The following ABCA6 variants were observed in gnomAD, a reference collection of about 807,000 sequenced individuals.
ABCA6 encodes ATP-binding cassette sub-family A member 6.
A neutral mutation model predicts 191.2 loss-of-function variants in ABCA6; 164 were observed. The ratio of observed to expected loss-of-function variants is 0.86; its 90% CI spans 0.76 to 0.98. The LOEUF is 0.98. Ranked by LOEUF, ABCA6 falls within the 50% of genes least tolerant of loss-of-function variation. The pLI is 0.00. For synonymous variants in ABCA6, 636 were observed against 647.7 expected (o/e 0.98, Z 0.27); for missense variants, 1,958 against 1,894.1 (o/e 1.03, Z -0.63).
rs745713208 is a variant in ABCA6, at chr17:69,105,552, C to T, written c.2650G>A (p.Asp884Asn). Residue 884 changes from aspartate (D) to asparagine (N), a missense_variant, in exon 20 of 39, where the codon GAT (aspartate) becomes AAT (asparagine). Transcript: ENST00000284425. ...IMYAMLNEKI[D>N]WEFKNELYFL... is the part of the protein sequence containing the mutation. ...TACAATTCGTTTTTAAATTCCCAAT[C>T]GATCTTTTCATTTAACATAGCATAC... The T allele has an allele frequency of 4.4e-6, 7 of 1,595,400 alleles. No homozygotes were observed. The South Asian group carries it at 4.4e-5, about 10-fold the overall frequency.
rs1362624575 is a variant in ABCA6 at position 69,089,526 on chromosome 17, T to C, written c.3545A>G (p.Tyr1182Cys). 1.9e-6 allele frequency: 3 copies of C among 1,613,328 alleles called. No homozygotes were observed. Among genetic ancestry groups the C allele is most frequent in the African/African-American group, 2.7e-5 (2 of 74,912 alleles). Residue 1182 changes from tyrosine to cysteine, a missense_variant, in exon 27 of 39, where the codon TAC (tyrosine) becomes TGC (cysteine). Transcript: ENST00000284425. ...TFLEVRDQEH[Y>C]REFPEANFEL... Reference sequence around the variant, plus strand: ...AAAATTTGCCTCTGGAAATTCTCTGTAGTGCTCCTGGTCTCTCTGAAAAGA... The same window carrying C: ...AAAATTTGCCTCTGGAAATTCTCTGCAGTGCTCCTGGTCTCTCTGAAAAGA...
intron 2 of ABCA6, among the ~76,000 whole-genome samples, chr17:69,138,024 G>A (rs373726441): frequency 2.0e-5 from 3 of 152,310 alleles, no homozygotes; most frequent in East Asian, 1.9e-4. Flanking sequence ...AAGTGGAACC[G>A]AATGATTTCC....
intron 10 of ABCA6, among the ~76,000 whole-genome samples, chr17:69,119,633 C>T (rs1433991274): frequency 1.3e-5 from 2 of 152,044 alleles, no homozygotes; most frequent in African/African-American, 2.4e-5. Context: ...TTGGCATCCT[C>T]GGCCTCATGT....
At chr17:69,115,346 C>A (rs1304452620) in intron 12 of ABCA6, 30 bp downstream of exon 12, 2 of 1,536,588 alleles carry the variant, frequency 1.3e-6, no homozygotes, top group East Asian at 2.3e-5. Flanking sequence ...TATAAGACAT[C>A]TTGCCTTTGA....
chr17:69,132,718 G>A (rs1245185216), intron 6 of ABCA6, among the ~76,000 whole-genome samples: 1 of 152,188 alleles, frequency 6.6e-6, no homozygotes, highest in Non-Finnish European at 1.5e-5. Flanking sequence ...GACCTCAGGT[G>A]ATCCACCCGC....
chr17:69,106,017 C>G lies in ABCA6; in HGVS notation c.2573+11G>C, dbSNP rs1336062217. The G allele has an allele frequency of 3.7e-6, 6 of 1,600,568 alleles. No homozygotes were observed. The highest frequency in any genetic ancestry group is 3.5e-5 in the Admixed American group (2 of 57,694). ...CATGATCTAACAAAACCACAGTACT[C>G]TCCTACTCACAGGGTCAATAACACT... On this transcript the variant is annotated intron_variant, in intron 19 of 38. Transcript: ENST00000284425.
intron 22 of ABCA6, 185 bp from the exon 23 acceptor site, chr17:69,098,212 C>G: frequency 2.2e-6 from 1 of 451,534 alleles, no homozygotes; most frequent in Non-Finnish European, 3.8e-6. Context: ...AAAGAGAAGT[C>G]AAAAGTCATT....
At position 69,081,135 on chromosome 17, in the gene ABCA6, A is replaced by G. The variant is rs772297831; in HGVS notation, c.4627T>C (p.Leu1543=). ...GCCACGGGCAGCTTATAGGTTAACA[A>G]AGAGGAATACCTGAAAACAGGAAGA... ...QAAGQERYSS[L]LTYKLPVADV... The change falls in exon 37 of 39, where the codon TTG becomes CTG. Residue 1543 remains leucine, a synonymous_variant. Transcript: ENST00000284425. 6.3e-6 allele frequency: 10 copies of G among 1,591,376 alleles called. No homozygotes were observed. The East Asian group carries it at 2.0e-4, about 32-fold the overall frequency.
chr17:69,102,862 T>G lies in ABCA6; in HGVS notation c.2847A>C (p.Gly949=). The part of the protein sequence containing the change: ...RNGTDGLSYN[G]AIIVSGKQKD... ...TTTGTTTACCAGAAACTATGATAGC[T>G]CCATTGTATGAGAGGCCATCAGTAC... The change falls in exon 21 of 39, where the codon GGA becomes GGC. Residue 949 remains glycine, a synonymous_variant. Transcript: ENST00000284425. The G allele has an allele frequency of 1.3e-6, 2 of 1,589,952 alleles. No individual in the cohort carries two copies. The highest frequency in any genetic ancestry group is 1.7e-6 in the Non-Finnish European group (2 of 1,173,196).
At chr17:69,083,707 T>A (rs1463029223) in intron 34 of ABCA6, among the ~76,000 whole-genome samples, 2 of 152,224 alleles carry the variant, frequency 1.3e-5, no homozygotes, top group African/African-American at 4.8e-5. Flanking sequence ...AGCGATTCTC[T>A]ACATTTGTAT....
chr17:69,134,780 A>T (rs781574178), intron 4 of ABCA6, 38 bp from the exon 5 acceptor site: 1 of 1,387,366 alleles, frequency 7.2e-7, no homozygotes, highest in African/African-American at 1.4e-5. Context: ...ACATTATGGG[A>T]CGAGGGCAGT....
Position 69,117,892 on chromosome 17 carries a change from C to T in ABCA6, c.1495+6G>A, listed in dbSNP as rs1434113053. ...AAGAATGAAATTTTTCAATGTTTTTCTTTACCTTTCAATGCTTCCACTTTT... is the reference window on the plus strand; with the variant it reads ...AAGAATGAAATTTTTCAATGTTTTTTTTTACCTTTCAATGCTTCCACTTTT... On this transcript the variant is annotated splice_donor_region_variant and intron_variant, in intron 11 of 38. Coordinates refer to ENST00000284425, the MANE Select transcript of ABCA6 (RefSeq NM_080284.3). The T allele has an allele frequency of 3.2e-6, 5 of 1,546,674 alleles. No individual in the cohort carries two copies. The highest frequency in any genetic ancestry group is 4.4e-6 in the Non-Finnish European group (5 of 1,129,950).
intron 2 of ABCA6, among the ~76,000 whole-genome samples, chr17:69,138,403 C>T (rs568457649): frequency 9.4e-4 from 143 of 152,246 alleles, no homozygotes; most frequent in African/African-American, 3.3e-3. Context: ...AAGTTGGATT[C>T]CTAAGTATTT....
At position 69,123,310 on chromosome 17, in the gene ABCA6, G is replaced by T. The variant is rs372434384; in HGVS notation, c.1365C>A (p.Ile455=). The T allele has an allele frequency of 6.4e-7, 1 of 1,573,820 alleles. No homozygotes were observed. Among genetic ancestry groups the T allele is most frequent in the Non-Finnish European group, 8.7e-7 (1 of 1,155,108 alleles). Reference sequence around the variant, plus strand: ...AATCATCAGAGGGATGCTCAGCATCGATTTCTTTCTCAATAACCTTAGCAT... The same window carrying T: ...AATCATCAGAGGGATGCTCAGCATCTATTTCTTTCTCAATAACCTTAGCAT... The part of the protein sequence containing the change: ...RTNAKVIEKE[I]DAEHPSDDYF... Residue 455 remains isoleucine, a synonymous_variant, in exon 10 of 39, where the codon ATC becomes ATA. Coordinates refer to ENST00000284425, the MANE Select transcript of ABCA6 (RefSeq NM_080284.3).
At chr17:69,096,530 A>C in intron 24 of ABCA6, 98 bp downstream of exon 24, 1 of 1,047,806 alleles carries the variant, frequency 9.5e-7, no homozygotes, top group Non-Finnish European at 1.3e-6. Context: ...GGTTTATTAC[A>C]AAATATGAAT....
intron 36 of ABCA6, among the ~76,000 whole-genome samples, 180 bp from the exon 37 acceptor site, chr17:69,081,325 C>A (rs2072629645): frequency 6.6e-6 from 1 of 152,172 alleles, no homozygotes; most frequent in Non-Finnish European, 1.5e-5. Context: ...CTGGCTGTTG[C>A]AGACAGCTCT....
At chr17:69,116,559 T>C (rs1163162656) in intron 11 of ABCA6, among the ~76,000 whole-genome samples, 2 of 152,136 alleles carry the variant, frequency 1.3e-5, no homozygotes, top group African/African-American at 4.8e-5. Flanking sequence ...TTTACAAAGA[T>C]TGAACAAGGC....
chr17:69,087,526 T>C (rs895497249), intron 28 of ABCA6, 53 bp from the exon 29 acceptor site: 3 of 1,603,984 alleles, frequency 1.9e-6, no homozygotes, highest in Non-Finnish European at 2.6e-6. Context: ...TTAAAAGATG[T>C]GTCAAAAATC....
chr17:69,115,226 T>C lies in ABCA6; in HGVS notation c.1606+150A>G, dbSNP rs777248246. 2.2e-5 allele frequency: 13 copies of C among 583,024 alleles called. No homozygotes were observed. In the East Asian group the frequency reaches 3.5e-4, roughly 16 times the overall value. 36.1% of individuals were successfully genotyped at this position (583,024 alleles called of 1,614,324 possible). A position where few individuals can be genotyped will look rare whatever the true frequency, so the allele number is the denominator to read the frequency against. ...TTTATAAAATTGCAGAAATATGAAG[T>C]ATATTCAAAATTATGTAGCTCTTGG... is the stretch of plus-strand genomic sequence containing the variant. On this transcript the variant is annotated intron_variant, in intron 12 of 38. Transcript: ENST00000284425.
Sources: allele counts gnomAD v4.1 joint callset (sites outside exome capture counted in the v4.1 genomes callset), GRCh38; gene constraint gnomAD v4.1.1; transcripts MANE v1.5; gene names NCBI Gene and HGNC (gene_info 2026-07-23, HGNC 2026-07-21).